LINGO2: variants seen among roughly 807,000 people sequenced by gnomAD.
LINGO2 encodes the protein leucine rich repeat and Ig domain containing 2.
In LINGO2, 14 loss-of-function variants were observed where a neutral mutation model predicts 30.6. That is an observed-to-expected ratio of 0.46 (90% CI 0.30 to 0.72). The LOEUF is 0.72. LINGO2 is among the 30% of genes least tolerant of loss of function. The probability of loss-of-function intolerance (pLI) is 0.07; values close to 1 mark genes in which losing one functional copy is unlikely to be tolerated. For missense variants in LINGO2, 729 were observed against 751.7 expected, an observed-to-expected ratio of 0.97 and a Z score of 0.35; for synonymous variants, 317 against 288.5, an observed-to-expected ratio of 1.10 and a Z score of -1.00.
intron 1 of LINGO2, among the ~76,000 whole-genome samples, chr9:28,660,261 A>T (rs1828537862): frequency 6.6e-6 from 1 of 152,138 alleles, no homozygotes; most frequent in African/African-American, 2.4e-5. Flanking sequence ...TATTAATTTT[A>T]CCATATTAAT....
intron 2 of LINGO2, among the ~76,000 whole-genome samples, chr9:28,404,912 G>GTGTGTA (rs1485709559): frequency 7.9e-6 from 1 of 126,068 alleles, no homozygotes; most frequent in African/African-American, 2.5e-5. Context: ...GTGTGTGTGT[G>GTGTGTA]TGTGTGTGTG....
the LINGO2 span, among the ~76,000 whole-genome samples, chr9:29,032,512 A>G: frequency 1.3e-5 from 2 of 152,230 alleles, no homozygotes; most frequent in South Asian, 2.1e-4. Context: ...ATACATGCAT[A>G]TGTGTGTATA....
the LINGO2 span, among the ~76,000 whole-genome samples, chr9:29,117,259 G>A: frequency 6.6e-6 from 1 of 152,194 alleles, no homozygotes; most frequent in Non-Finnish European, 1.5e-5. Context: ...TCAGATATGT[G>A]GGCTCAGTTC....
chr9:28,852,923 G>C, the LINGO2 span, among the ~76,000 whole-genome samples: 8 of 151,940 alleles, frequency 5.3e-5, no homozygotes, highest in African/African-American at 1.7e-4. Context: ...AACACTCTCT[G>C]CTGGCCTAAA....
At chr9:28,422,960 A>T (rs1448305797) in intron 2 of LINGO2, among the ~76,000 whole-genome samples, 1 of 152,074 alleles carries the variant, frequency 6.6e-6, no homozygotes, top group Non-Finnish European at 1.5e-5. Flanking sequence ...ACTTATTATC[A>T]GGTACCTAGA....
the LINGO2 span, among the ~76,000 whole-genome samples, chr9:28,747,981 G>C: frequency 6.6e-6 from 1 of 152,040 alleles, no homozygotes; most frequent in Admixed American, 6.6e-5. Flanking sequence ...ACATGTAATA[G>C]TCATTGGCAG....
chr9:27,950,762 G>C, intron 5 of LINGO2, 56 bp from the exon 7 acceptor site: 1 of 994,974 alleles, frequency 1.0e-6, no homozygotes, highest in Non-Finnish European at 1.4e-6. Flanking sequence ...GATATAAATA[G>C]GTGAAGGGGC....
At chr9:28,698,908 G>C in the LINGO2 span, among the ~76,000 whole-genome samples, 6 of 152,016 alleles carry the variant, frequency 3.9e-5, no homozygotes, top group East Asian at 1.2e-3. Context: ...TAGATGTGGT[G>C]GTGTGCACCT....
At chr9:28,165,264 G>A (rs1191031352) in intron 4 of LINGO2, among the ~76,000 whole-genome samples, 2 of 152,198 alleles carry the variant, frequency 1.3e-5, no homozygotes, top group Non-Finnish European at 2.9e-5. Flanking sequence ...TGAATCAATA[G>A]TGTGCTTTGG....
At chr9:28,963,997 C>T in the LINGO2 span, among the ~76,000 whole-genome samples, 201 of 151,922 alleles carry the variant, frequency 1.3e-3, no homozygotes, top group African/African-American at 4.7e-3. Context: ...CAGATTTGAT[C>T]ATTACCCATC....
chr9:29,048,314 G>A, the LINGO2 span, among the ~76,000 whole-genome samples: 2 of 146,670 alleles, frequency 1.4e-5, no homozygotes, highest in Non-Finnish European at 3.0e-5. Context: ...AAATTGAAGA[G>A]GACACCAAAA....
the LINGO2 span, among the ~76,000 whole-genome samples, chr9:29,034,295 CAA>C: frequency 2.0e-5 from 3 of 151,508 alleles, no homozygotes; most frequent in Non-Finnish European, 4.4e-5. Flanking sequence ...TATTTTATTC[CAA>C]AAGAGTATTG....
chr9:28,768,117 T>C, the LINGO2 span, among the ~76,000 whole-genome samples: 3 of 152,194 alleles, frequency 2.0e-5, no homozygotes, highest in African/African-American at 7.2e-5. Flanking sequence ...TATAAAAGAG[T>C]GACTATCCCT....
intron 5 of LINGO2, among the ~76,000 whole-genome samples, chr9:27,997,186 C>T (rs1821708516): frequency 6.6e-6 from 1 of 152,154 alleles, no homozygotes; most frequent in South Asian, 2.1e-4. Context: ...ACATTGGTAA[C>T]TGGGTCAAAT....
At chr9:29,153,122 C>T in the LINGO2 span, among the ~76,000 whole-genome samples, 1 of 151,994 alleles carries the variant, frequency 6.6e-6, no homozygotes, top group Non-Finnish European at 1.5e-5. Flanking sequence ...ATGGAAAGTA[C>T]AGTTAAAGAA....
the LINGO2 span, among the ~76,000 whole-genome samples, chr9:29,076,130 G>A: frequency 6.6e-6 from 1 of 151,544 alleles, no homozygotes; most frequent in Non-Finnish European, 1.5e-5. Context: ...ATCCCGCCTT[G>A]ATCTCCCAAA....
intron 4 of LINGO2, among the ~76,000 whole-genome samples, chr9:28,090,572 A>C (rs1375859957): frequency 6.6e-6 from 1 of 152,174 alleles, no homozygotes; most frequent in Non-Finnish European, 1.5e-5. Context: ...TCACAAAATA[A>C]TAAGAGCTAT....
In LINGO2 at chr9:27,956,532, G is replaced by A. The variant is rs1377394724; in HGVS notation, c.-35-5826C>T. The stretch of plus-strand genomic sequence containing the variant: ...TTGTTTTCTTCATATTTCTTAAAGA[G>A]CAGAAGTTTTAAAATTTAAATCCAT... On this transcript the variant is annotated intron_variant, in intron 5 of 5. Coordinates refer to ENST00000379992, the Ensembl canonical transcript of LINGO2. Among the ~76,000 whole-genome samples, 4 of 151,950 alleles carry A rather than the reference G, an allele frequency of 2.6e-5. No homozygotes were observed. In the East Asian group the frequency reaches 7.7e-4, roughly 29 times the overall value.
chr9:27,979,727 C>G (rs1342310961), intron 5 of LINGO2, among the ~76,000 whole-genome samples: 1 of 151,898 alleles, frequency 6.6e-6, no homozygotes, highest in Non-Finnish European at 1.5e-5. Flanking sequence ...GAGCATTCCA[C>G]TGGGATCCTT....
Sources: gnomAD v4.1 joint callset for allele counts (sites outside exome capture counted in the v4.1 genomes callset) on GRCh38, gnomAD v4.1.1 for gene constraint, MANE v1.5 for transcripts, NCBI Gene and HGNC (gene_info 2026-07-23, HGNC 2026-07-21) for gene names.